CTTNBP2: variants seen among roughly 807,000 people sequenced by gnomAD.
The protein encoded by CTTNBP2 is cortactin binding protein 2.
Under a neutral mutation model 156.9 loss-of-function variants are expected in CTTNBP2, and 108 were observed. The observed-to-expected ratio is 0.69, with a 90% CI of 0.59 to 0.81. The LOEUF (loss-of-function observed/expected upper bound fraction) is 0.81, where lower values mean the gene tolerates loss of function less well. Ranked by LOEUF, CTTNBP2 falls within the 30% of genes least tolerant of loss-of-function variation. CTTNBP2 has a pLI of 0.00. For synonymous variants in CTTNBP2, 767 were observed against 751.8 expected, an observed-to-expected ratio of 1.02 and a Z score of -0.33; for missense variants, 1,924 against 2,035.4, an observed-to-expected ratio of 0.95 and a Z score of 1.05.
intron 2 of CTTNBP2, among the ~76,000 whole-genome samples, chr7:117,814,173 A>G (rs1474701972): frequency 6.6e-6 from 1 of 152,190 alleles, no homozygotes; most frequent in Non-Finnish European, 1.5e-5. Flanking sequence ...GTATAATATG[A>G]GAGGTAAATA....
At chr7:117,833,269 C>G (rs1801731354) in intron 2 of CTTNBP2, among the ~76,000 whole-genome samples, 1 of 152,184 alleles carries the variant, frequency 6.6e-6, no homozygotes. Flanking sequence ...CTGGGCCATG[C>G]TTCTCCTCAC....
chr7:117,867,602 A>G (rs1255334313), intron 1 of CTTNBP2, among the ~76,000 whole-genome samples: 1 of 152,168 alleles, frequency 6.6e-6, no homozygotes, highest in African/African-American at 2.4e-5. Context: ...ATGAAAACAG[A>G]AAGTGTGCAA....
At chr7:117,820,266 A>G (rs1800876805) in intron 2 of CTTNBP2, among the ~76,000 whole-genome samples, 1 of 152,212 alleles carries the variant, frequency 6.6e-6, no homozygotes, top group African/African-American at 2.4e-5. Context: ...TGTCTTATTA[A>G]GACTCCAGAC....
rs1226013657 is a variant in CTTNBP2, at chr7:117,784,210, T to A, written c.2272+41A>T. On this transcript the variant is annotated intron_variant, in intron 5 of 22. Coordinates refer to ENST00000160373, the MANE Select transcript of CTTNBP2 (RefSeq NM_033427.3). ...TGATACATGGGCTTTTGACTTTCCA[T>A]CCTTTTGCAAGTGTGTGGTATAAGA... The A allele has an allele frequency of 2.8e-6, 4 of 1,450,954 alleles. No individual in the cohort carries two copies. The East Asian group carries it at 9.5e-5, about 34-fold the overall frequency. The allele number at this position is 1,450,954 out of a possible 1,614,324, so 89.9% of individuals were successfully genotyped here. A position where few individuals can be genotyped will look rare whatever the true frequency, so the allele number is the denominator to read the frequency against.
rs763923029 is a variant in CTTNBP2, at chr7:117,745,922, T to C, written c.3444A>G (p.Gln1148=). ...HQLALCLKHR[Q]MAAGFSCEIV... ...TTTCACAGGAGAATCCTGCAGCCAT[T>C]TGTCTGTGCTGTGATAAGAAAATAG... The change falls in exon 14 of 23, where the codon CAA becomes CAG. Residue 1148 remains glutamine, a synonymous_variant. Transcript: ENST00000160373. The C allele has an allele frequency of 7.4e-6, 12 of 1,614,000 alleles. No homozygotes were observed. Among genetic ancestry groups the C allele is most frequent in the East Asian group, 4.5e-5 (2 of 44,880 alleles).
chr7:117,802,454 A>AC (rs1421316934), intron 3 of CTTNBP2, among the ~76,000 whole-genome samples: 2 of 143,412 alleles, frequency 1.4e-5, no homozygotes, highest in East Asian at 3.9e-4. Context: ...AAAAAAAAAA[A>AC]AAACAAAAAC....
At chr7:117,826,718 T>C (rs1230005538) in intron 2 of CTTNBP2, among the ~76,000 whole-genome samples, 2 of 151,746 alleles carry the variant, frequency 1.3e-5, no homozygotes, top group Non-Finnish European at 2.9e-5. Flanking sequence ...TGTGATATTA[T>C]AATAAACTAG....
intron 9 of CTTNBP2, among the ~76,000 whole-genome samples, chr7:117,762,418 A>G (rs979815951): frequency 1.4e-4 from 21 of 152,160 alleles, no homozygotes; most frequent in Admixed American, 2.6e-4. Flanking sequence ...CAGACTGAAC[A>G]CCTTGAATTA....
intron 2 of CTTNBP2, among the ~76,000 whole-genome samples, chr7:117,844,944 T>C (rs1345444065): frequency 6.6e-6 from 1 of 152,062 alleles, no homozygotes; most frequent in South Asian, 2.1e-4. Flanking sequence ...TGAAGAAAGT[T>C]TGAAAGAATC....
chr7:117,734,881 C>T lies in CTTNBP2; in HGVS notation c.3876+32G>A, dbSNP rs183752446. The T allele has an allele frequency of 1.5e-4, 228 of 1,538,032 alleles. No homozygotes were observed. In the African/African-American group the frequency reaches 2.6e-3, roughly 17 times the overall value. ...TCCTGACAACAAAAACCCCTGCTCTCCTGGCAACAGGCTGCACTTGCTGTT... is the reference window on the plus strand; with the variant it reads ...TCCTGACAACAAAAACCCCTGCTCTTCTGGCAACAGGCTGCACTTGCTGTT... On this transcript the variant is annotated intron_variant, in intron 16 of 22. Transcript: ENST00000160373.
chr7:117,717,645 A>C (rs1470944342), intron 22 of CTTNBP2, among the ~76,000 whole-genome samples: 5 of 152,120 alleles, frequency 3.3e-5, no homozygotes, highest in Non-Finnish European at 7.4e-5. Flanking sequence ...ATCGGATTGA[A>C]GGAATATAGT....
In CTTNBP2 at chr7:117,767,205, A is replaced by G. The variant is rs752393822; in HGVS notation, c.2779-29T>C. On this transcript the variant is annotated intron_variant, in intron 8 of 22. Transcript: ENST00000160373. ...TAAAGACAAGAGCTCTATTACCTCC[A>G]AGTCCAAATGAATTAACTTGAATGC... The G allele has an allele frequency of 1.5e-5, 18 of 1,222,138 alleles. No homozygotes were observed. The Middle Eastern group carries it at 5.6e-4, about 38-fold the overall frequency. 75.7% of individuals were successfully genotyped at this position (1,222,138 alleles called of 1,614,324 possible).
At chr7:117,810,125 G>T (rs1025005640) in intron 3 of CTTNBP2, among the ~76,000 whole-genome samples, 2 of 152,232 alleles carry the variant, frequency 1.3e-5, no homozygotes, top group South Asian at 2.1e-4. Context: ...GGGGGAGGGG[G>T]AGAGGAGGAG....
intron 3 of CTTNBP2, among the ~76,000 whole-genome samples, chr7:117,804,276 A>G (rs34872021): frequency 0.1 from 15,173 of 152,156 alleles, 1,121 homozygotes; most frequent in African/African-American, 0.2. Flanking sequence ...CCTGGCTTCA[A>G]TTTTAATAAA....
intron 2 of CTTNBP2, among the ~76,000 whole-genome samples, chr7:117,822,272 T>C (rs1261938994): frequency 6.6e-6 from 1 of 152,154 alleles, no homozygotes; most frequent in Non-Finnish European, 1.5e-5. Context: ...TGCATTCTTT[T>C]TTTCTTGTTC....
chr7:117,717,294 G>A (rs901351927), intron 22 of CTTNBP2, among the ~76,000 whole-genome samples: 5 of 151,940 alleles, frequency 3.3e-5, no homozygotes, highest in African/African-American at 1.2e-4. Context: ...TGCATGTTAT[G>A]GAAAGTCAGG....
chr7:117,840,768 G>A (rs1234531804), intron 2 of CTTNBP2, among the ~76,000 whole-genome samples: 1 of 152,164 alleles, frequency 6.6e-6, no homozygotes, highest in East Asian at 1.9e-4. Context: ...TCTGAATGGT[G>A]AGGGCAAACT....
intron 12 of CTTNBP2, chr7:117,755,694 A>G (rs1796845943): frequency 2.9e-6 from 1 of 347,842 alleles, no homozygotes; most frequent in African/African-American, 2.2e-5. Flanking sequence ...AAAGCATTAC[A>G]TTTATCCATT....
intron 2 of CTTNBP2, among the ~76,000 whole-genome samples, chr7:117,825,605 T>C (rs1359006039): frequency 6.6e-6 from 1 of 152,204 alleles, no homozygotes. Flanking sequence ...AGTAGAGGGA[T>C]GGGCTCAGAG....
Sources: gnomAD v4.1 joint callset for allele counts (sites outside exome capture counted in the v4.1 genomes callset) on GRCh38, gnomAD v4.1.1 for gene constraint, MANE v1.5 for transcripts, NCBI Gene and HGNC (gene_info 2026-07-23, HGNC 2026-07-21) for gene names.